The following MFHAS1 variants were observed in gnomAD, a reference collection of about 807,000 sequenced individuals.
MFHAS1 encodes multifunctional ROCO family signaling regulator 1, also known as malignant fibrous histiocytoma-amplified sequence 1.
In MFHAS1, 50 loss-of-function variants were observed where a neutral mutation model predicts 70.4. The observed-to-expected ratio is 0.71, with a 90% CI of 0.57 to 0.90. The LOEUF (loss-of-function observed/expected upper bound fraction) is 0.90, where lower values mean the gene tolerates loss of function less well. Among genes scored for constraint, MFHAS1 ranks in the 40% least tolerant of loss-of-function variants. MFHAS1 has a pLI of 0.00. For synonymous variants in MFHAS1, 952 were observed against 620.0 expected (o/e 1.54, Z -7.96); for missense variants, 1,795 against 1,347.6 (o/e 1.33, Z -5.20).
rs139976609 is a variant in MFHAS1, at chr8:8,890,552, G to A, written c.2507C>T (p.Pro836Leu). Residue 836 changes from proline (P) to leucine (L), a missense_variant, in exon 1 of 3, where the codon CCC becomes CTC. Coordinates refer to ENST00000276282, the MANE Select transcript of MFHAS1 (RefSeq NM_004225.3). ...KMGLCYCLNK[P>L]KGKPLNGSTA... ...GGACCCATTCAAAGGCTTGCCCTTG[G>A]GTTTATTGAGGCAGTAACAGAGTCC... is the stretch of plus-strand genomic sequence containing the variant. 6.2e-7 allele frequency: 1 copy of A among 1,613,334 alleles called. No homozygotes were observed. Among genetic ancestry groups the A allele is most frequent in the Non-Finnish European group, 8.5e-7 (1 of 1,180,050 alleles).
intron 1 of MFHAS1, among the ~76,000 whole-genome samples, chr8:8,875,980 G>T (rs1335342579): frequency 6.6e-6 from 1 of 152,172 alleles, no homozygotes; most frequent in Non-Finnish European, 1.5e-5. Context: ...CTTCTATGAA[G>T]AAAAGAGTTT....
chr8:8,882,482 C>T (rs186641698), intron 1 of MFHAS1, among the ~76,000 whole-genome samples: 1 of 151,848 alleles, frequency 6.6e-6, no homozygotes, highest in Non-Finnish European at 1.5e-5. Flanking sequence ...CGTGGTGGCA[C>T]ACGCCTGTAA....
chr8:8,847,934 G>A (rs1028766270), intron 1 of MFHAS1, among the ~76,000 whole-genome samples: 1 of 152,170 alleles, frequency 6.6e-6, no homozygotes, highest in African/African-American at 2.4e-5. Flanking sequence ...TATTGAAAGA[G>A]GCAGTATACT....
intron 1 of MFHAS1, among the ~76,000 whole-genome samples, chr8:8,835,424 C>A (rs868081917): frequency 2.0e-5 from 3 of 152,172 alleles, no homozygotes; most frequent in Admixed American, 2.0e-4. Context: ...TTACGAGATA[C>A]CCATCATGCA....
At chr8:8,872,411 C>T (rs1437617735) in intron 1 of MFHAS1, among the ~76,000 whole-genome samples, 2 of 152,158 alleles carry the variant, frequency 1.3e-5, no homozygotes, top group African/African-American at 4.8e-5. Flanking sequence ...GGATTCCAAC[C>T]TTGCAGCTTC....
intron 1 of MFHAS1, among the ~76,000 whole-genome samples, chr8:8,854,033 A>G (rs1301256082): frequency 1.3e-5 from 2 of 152,180 alleles, no homozygotes; most frequent in Admixed American, 1.3e-4. Flanking sequence ...ACATTATTAA[A>G]TTACACTGAT....
At chr8:8,888,040 T>C (rs900981101) in intron 1 of MFHAS1, among the ~76,000 whole-genome samples, 1 of 152,152 alleles carries the variant, frequency 6.6e-6, no homozygotes, top group Non-Finnish European at 1.5e-5. Context: ...AATGCGTAAC[T>C]CCCAGTCACT....
chr8:8,862,389 T>TC lies in MFHAS1; in HGVS notation c.2998+27671_2998+27672insG, dbSNP rs1368747079. Among the ~76,000 whole-genome samples the TC allele has an allele frequency of 5.1e-4, 10 of 19,482 alleles. No homozygotes were observed. In the South Asian group the frequency reaches 0.02, roughly 39 times the overall value. 12.8% of individuals were successfully genotyped at this position (19,482 alleles called of 152,430 possible). A position where few individuals can be genotyped will look rare whatever the true frequency, so the allele number is the denominator to read the frequency against. On this transcript the variant is annotated intron_variant, in intron 1 of 2. Transcript: ENST00000276282. Reference sequence around the variant, plus strand: ...ACTGGGTTGTCTCAGCTATAAGAGGTTTTTTTTTTTTAATCAGATATATAT... The same window carrying TC: ...ACTGGGTTGTCTCAGCTATAAGAGGTCTTTTTTTTTTTAATCAGATATATAT...
intron 1 of MFHAS1, 75 bp downstream of exon 1, chr8:8,889,986 C>A: frequency 7.9e-7 from 1 of 1,266,120 alleles, no homozygotes; most frequent in South Asian, 1.5e-5. Flanking sequence ...AACATTCTGC[C>A]AAATGACAAC....
chr8:8,874,872 AAG>A (rs1809229425), intron 1 of MFHAS1, among the ~76,000 whole-genome samples: 2 of 152,076 alleles, frequency 1.3e-5, no homozygotes, highest in Non-Finnish European at 2.9e-5. Context: ...TTTATATATG[AAG>A]AGTTAATATA....
Position 8,891,390 on chromosome 8 carries a change from G to A in MFHAS1, c.1669C>T (p.Gln557Ter), listed in dbSNP as rs1810027155. 6.2e-7 allele frequency: 1 copy of A among 1,612,036 alleles called. No homozygotes were observed. Among genetic ancestry groups the A allele is most frequent in the Non-Finnish European group, 8.5e-7 (1 of 1,180,030 alleles). The part of the protein sequence containing the change: ...LEEKCLDIHR[Q>*]IALQEKHDAE... Reference sequence around the variant, plus strand: ...TCGTGCTTCTCCTGCAGGGCGATCTGGCGGTGAATGTCCAGACATTTCTCC... The same window carrying A: ...TCGTGCTTCTCCTGCAGGGCGATCTAGCGGTGAATGTCCAGACATTTCTCC... The change falls in exon 1 of 3, where the codon CAG becomes TAG. Residue 557 changes from glutamine to a stop codon, truncating the protein, a stop_gained. Coordinates refer to ENST00000276282, the MANE Select transcript of MFHAS1 (RefSeq NM_004225.3). LOFTEE classifies it high-confidence loss of function. The surrounding 1 kb of genome is among the most constrained non-coding windows in gnomAD (Gnocchi z 5.4).
chr8:8,856,223 G>A (rs1007249919), intron 1 of MFHAS1, among the ~76,000 whole-genome samples: 3 of 152,322 alleles, frequency 2.0e-5, no homozygotes, highest in South Asian at 4.1e-4. Flanking sequence ...AAGGAGCTGG[G>A]CATGGTACAA....
chr8:8,820,054 A>C (rs1259003726), intron 1 of MFHAS1, among the ~76,000 whole-genome samples: 1 of 152,202 alleles, frequency 6.6e-6, no homozygotes, highest in Non-Finnish European at 1.5e-5. Context: ...GTGTAAATTT[A>C]GTTTTTGTTC....
At chr8:8,866,577 CAA>C in intron 1 of MFHAS1, among the ~76,000 whole-genome samples, 1 of 152,272 alleles carries the variant, frequency 6.6e-6, no homozygotes, top group Non-Finnish European at 1.5e-5. Context: ...CTCAACCTCT[CAA>C]AGTTTTGGGA....
chr8:8,853,523 C>A (rs533314345), intron 1 of MFHAS1, among the ~76,000 whole-genome samples: 2 of 149,322 alleles, frequency 1.3e-5, no homozygotes, highest in South Asian at 4.3e-4. Flanking sequence ...GTGCCTGGCA[C>A]GTACAAGGCA....
At chr8:8,851,825 A>G (rs1270328928) in intron 1 of MFHAS1, among the ~76,000 whole-genome samples, 3 of 152,228 alleles carry the variant, frequency 2.0e-5, no homozygotes, top group African/African-American at 7.2e-5. Context: ...GGAAGTTGTG[A>G]TGCCCCCCGC....
chr8:8,879,792 C>T lies in MFHAS1; in HGVS notation c.2998+10269G>A, dbSNP rs529894317. Among the ~76,000 whole-genome samples the T allele has an allele frequency of 5.9e-4, 90 of 152,288 alleles. 1 individual carries two copies. The South Asian group carries it at 0.018, about 31-fold the overall frequency. ...AGGTATTTTATTTTCCTAGAACTCC[C>T]AGTTCAGTACAAACTTCTGTATAGA... On this transcript the variant is annotated intron_variant, in intron 1 of 2. Coordinates refer to ENST00000276282, the MANE Select transcript of MFHAS1 (RefSeq NM_004225.3).
chr8:8,847,222 T>C (rs1476375743), intron 1 of MFHAS1, among the ~76,000 whole-genome samples: 1 of 152,194 alleles, frequency 6.6e-6, no homozygotes, highest in East Asian at 1.9e-4. Context: ...GCTCTTGTCA[T>C]CCAGGCTGGA....
chr8:8,797,186 A>G (rs1466317172), intron 2 of MFHAS1, among the ~76,000 whole-genome samples, 179 bp downstream of exon 2: 1 of 152,088 alleles, frequency 6.6e-6, no homozygotes, highest in Non-Finnish European at 1.5e-5. Flanking sequence ...AAGAGGAAAT[A>G]AAAGTTCCTG....
Sources: gnomAD v4.1 joint callset for allele counts (sites outside exome capture counted in the v4.1 genomes callset) on GRCh38, gnomAD v4.1.1 for gene constraint, Gnocchi (gnomAD v3.1) non-coding constraint, MANE v1.5 for transcripts, NCBI Gene and HGNC (gene_info 2026-07-23, HGNC 2026-07-21) for gene names.